Variants in DCUN1D5 observed in about 807,000 individuals in gnomAD.
DCUN1D5 encodes the protein DCN1-like protein 5.
In DCUN1D5, 10 loss-of-function variants were observed where a neutral mutation model predicts 38.3. The observed-to-expected ratio is 0.26, with a 90% CI of 0.16 to 0.44. The LOEUF (loss-of-function observed/expected upper bound fraction) is 0.44, where lower values mean the gene tolerates loss of function less well. Ranked by LOEUF, DCUN1D5 falls within the 20% of genes least tolerant of loss-of-function variation. The pLI, the probability that DCUN1D5 is intolerant of heterozygous loss-of-function variation, is 1.00. For missense variants in DCUN1D5, 148 were observed against 275.3 expected (o/e 0.54, Z 3.27); for synonymous variants, 93 against 90.9 (o/e 1.02, Z -0.13).
rs1488995210 is a variant in DCUN1D5 at position 103,058,885 on chromosome 11, T to C, written c.*3474A>G. Among the ~76,000 whole-genome samples the C allele has an allele frequency of 6.6e-6, 1 of 151,174 alleles. No homozygotes were observed. The highest frequency in any genetic ancestry group is 1.5e-5 in the Non-Finnish European group (1 of 67,886). ...GAATTCTTCTTTAGGAGTAAGACTT[T>C]TGGGTTTTTTTGGGGGGGGTTTTAA... On this transcript the variant is annotated 3_prime_UTR_variant, in exon 8 of 8. Coordinates refer to ENST00000260247, the MANE Select transcript of DCUN1D5 (RefSeq NM_032299.4).
chr11:103,069,182 G>A (rs1248931239), intron 4 of DCUN1D5, among the ~76,000 whole-genome samples: 1 of 152,162 alleles, frequency 6.6e-6, no homozygotes, highest in Non-Finnish European at 1.5e-5. Context: ...GGAAACCTGA[G>A]GAACTACATG....
Position 103,091,854 on chromosome 11 carries a change from T to G in DCUN1D5, c.19A>C (p.Arg7=). 1 of 1,613,714 alleles carries G rather than the reference T, an allele frequency of 6.2e-7. No individual in the cohort carries two copies. Among genetic ancestry groups the G allele is most frequent in the East Asian group, 2.2e-5 (1 of 44,836 alleles). The change falls in exon 1 of 8, where the codon AGA becomes CGA. Residue 7 remains arginine (R), a synonymous_variant. Coordinates refer to ENST00000260247, the MANE Select transcript of DCUN1D5 (RefSeq NM_032299.4). This position sits in a 1 kb window ranked among gnomAD's most constrained non-coding sequence, Gnocchi z 4.3. ...GCTGCTGCCACCCCAGGGGATTTTC[T>G]CTTCTTCTTCACCGGCATCTTCCGC... MPVKKK[R]KSPGVAAAVA... is the part of the protein sequence containing the mutation.
rs2134581535 is a variant in DCUN1D5 at position 103,051,263 on chromosome 11, G to A, written c.*11096C>T. 1 of 152,250 alleles carries A rather than the reference G, an allele frequency of 6.6e-6. No individual in the cohort carries two copies. Among genetic ancestry groups the A allele is most frequent in the East Asian group, 1.9e-4 (1 of 5,182 alleles). 9.4% of individuals were successfully genotyped at this position (152,250 alleles called of 1,614,324 possible). On this transcript the variant is annotated 3_prime_UTR_variant, in exon 8 of 8. Transcript: ENST00000260247. ...GGTTAAGGAAAAAAATGACTCATTA[G>A]TAAGTAAAGTGACAAGCAGAACAAA...
chr11:103,067,902 C>T (rs1376097542), intron 4 of DCUN1D5, among the ~76,000 whole-genome samples: 1 of 152,010 alleles, frequency 6.6e-6, no homozygotes, highest in Non-Finnish European at 1.5e-5. Context: ...AAGAGAATTG[C>T]TACTTTTCCC....
chr11:103,083,340 A>C lies in DCUN1D5; in HGVS notation c.179-14T>G. 6.8e-7 allele frequency: 1 copy of C among 1,479,920 alleles called. No homozygotes were observed. The highest frequency in any genetic ancestry group is 1.1e-5 in the South Asian group (1 of 87,274). 91.7% of individuals were successfully genotyped at this position (1,479,920 alleles called of 1,614,324 possible). On this transcript the variant is annotated splice_polypyrimidine_tract_variant and intron_variant, in intron 2 of 7. Coordinates refer to ENST00000260247, the MANE Select transcript of DCUN1D5 (RefSeq NM_032299.4). This position sits in a 1 kb window ranked among gnomAD's most constrained non-coding sequence, Gnocchi z 4.4. ...CTTCATCAGGACCTTCAAAGACAAA[A>C]ATAATTAACATATTTTGTTATAATA...
At chr11:103,068,816 ATG>A (rs138337029) in intron 4 of DCUN1D5, among the ~76,000 whole-genome samples, 13,444 of 149,426 alleles carry the variant, frequency 0.09, 768 homozygotes, top group Non-Finnish European at 0.12. Flanking sequence ...AAAGCTTCAC[ATG>A]TACCCCCAAA....
Position 103,064,355 on chromosome 11 carries a change from T to C in DCUN1D5, c.578A>G (p.Asn193Ser). The C allele has an allele frequency of 6.2e-7, 1 of 1,605,016 alleles. No individual in the cohort carries two copies. Among genetic ancestry groups the C allele is most frequent in the Non-Finnish European group, 8.5e-7 (1 of 1,176,330 alleles). The change falls in exon 7 of 8, where the codon AAC becomes AGC. Residue 193 changes from asparagine to serine, a missense_variant. Transcript: ENST00000260247. The surrounding 1 kb of genome is among the most constrained non-coding windows in gnomAD (Gnocchi z 4.5). ...YLEQSKYRVM[N>S]KDQWYNVLEF... ...TAATACATTGTACCATTGATCTTTG[T>C]TCATAACACGATACTTTGATTGCTG...
At chr11:103,072,351 TA>T (rs1263478468) in intron 4 of DCUN1D5, among the ~76,000 whole-genome samples, 11 of 151,666 alleles carry the variant, frequency 7.3e-5, no homozygotes, top group African/African-American at 2.4e-4. Context: ...GATCTAGATC[TA>T]GATCTAGATC....
Position 103,092,054 on chromosome 11 carries a change from T to G in DCUN1D5, c.-182A>C. The G allele has an allele frequency of 1.7e-6, 1 of 601,066 alleles. No individual in the cohort carries two copies. The highest frequency in any genetic ancestry group is 2.9e-6 in the Non-Finnish European group (1 of 341,160). The allele number at this position is 601,066 out of a possible 1,614,324, so 37.2% of individuals were successfully genotyped here. A position where few individuals can be genotyped will look rare whatever the true frequency, so the allele number is the denominator to read the frequency against. On this transcript the variant is annotated 5_prime_UTR_variant, in exon 1 of 8. Transcript: ENST00000260247. ...CCGCTCCCAGGTATCCTCGTCGTCT[T>G]TCTCTGACCGGGACAGGGCTGGCTC...
chr11:103,072,814 A>G (rs1241356938), intron 4 of DCUN1D5, among the ~76,000 whole-genome samples: 1 of 152,062 alleles, frequency 6.6e-6, no homozygotes, highest in Non-Finnish European at 1.5e-5. Context: ...AACATAAACG[A>G]CGAGCTAACG....
Position 103,064,215 on chromosome 11 carries a change from A to C in DCUN1D5, c.658+60T>G. The C allele has an allele frequency of 8.1e-7, 1 of 1,240,276 alleles. No homozygotes were observed. Among genetic ancestry groups the C allele is most frequent in the Non-Finnish European group, 1.2e-6 (1 of 855,954 alleles). The allele number at this position is 1,240,276 out of a possible 1,614,324, so 76.8% of individuals were successfully genotyped here. On this transcript the variant is annotated intron_variant, in intron 7 of 7. Coordinates refer to ENST00000260247, the MANE Select transcript of DCUN1D5 (RefSeq NM_032299.4). The surrounding 1 kb of genome is among the most constrained non-coding windows in gnomAD (Gnocchi z 4.5). The stretch of plus-strand genomic sequence containing the variant: ...CTATGCTAATACTACACAAATGCAT[A>C]CTCTCATTTAATATTTTTGGAAATT...
chr11:103,089,362 C>G, intron 1 of DCUN1D5, 44 bp from the exon 2 acceptor site: 1 of 1,493,544 alleles, frequency 6.7e-7, no homozygotes, highest in Non-Finnish European at 9.1e-7. Context: ...CACATCTCAA[C>G]TCTTAGAGAA....
At chr11:103,088,868 A>T (rs1862780366) in intron 2 of DCUN1D5, among the ~76,000 whole-genome samples, 1 of 152,326 alleles carries the variant, frequency 6.6e-6, no homozygotes, top group South Asian at 2.1e-4. Context: ...GAAATGTTTT[A>T]TTATGTACTT....
chr11:103,082,507 A>G (rs756608216), intron 4 of DCUN1D5, among the ~76,000 whole-genome samples: 5 of 152,056 alleles, frequency 3.3e-5, no homozygotes, highest in Non-Finnish European at 7.4e-5. Flanking sequence ...TCACTCACCA[A>G]GAGAATCAAG....
At position 103,054,966 on chromosome 11, in the gene DCUN1D5, T is replaced by C. The variant is rs1226482401; in HGVS notation, c.*7393A>G. The stretch of plus-strand genomic sequence containing the variant: ...GTAGGTGCAGGTTGAATATCTCTTA[T>C]CCAAAATGCTTGGGACCGGAAGTGT... On this transcript the variant is annotated 3_prime_UTR_variant, in exon 8 of 8. Coordinates refer to ENST00000260247, the MANE Select transcript of DCUN1D5 (RefSeq NM_032299.4). 1.3e-5 allele frequency: 2 copies of C among 152,166 alleles called. No homozygotes were observed. Among genetic ancestry groups the C allele is most frequent in the Non-Finnish European group, 2.9e-5 (2 of 68,006 alleles). 9.4% of individuals were successfully genotyped at this position (152,166 alleles called of 1,614,324 possible). A position where few individuals can be genotyped will look rare whatever the true frequency, so the allele number is the denominator to read the frequency against.
rs1247272313 is a variant in DCUN1D5, at chr11:103,091,513, T to C, written c.86+274A>G. 8 of 432,242 alleles carry C rather than the reference T, an allele frequency of 1.9e-5. No individual in the cohort carries two copies. The highest frequency in any genetic ancestry group is 3.4e-5 in the Non-Finnish European group (8 of 234,868). The allele number at this position is 432,242 out of a possible 1,614,324, so 26.8% of individuals were successfully genotyped here. ...GGTGGGGGTGGGGGGAAGCGCAATTTACATATGCATCTGTTCCCCACCCTG... is the reference window on the plus strand; with the variant it reads ...GGTGGGGGTGGGGGGAAGCGCAATTCACATATGCATCTGTTCCCCACCCTG... On this transcript the variant is annotated intron_variant, in intron 1 of 7. Transcript: ENST00000260247. This position sits in a 1 kb window ranked among gnomAD's most constrained non-coding sequence, Gnocchi z 4.3.
chr11:103,082,240 C>T (rs914911866), intron 4 of DCUN1D5, among the ~76,000 whole-genome samples: 19 of 151,980 alleles, frequency 1.3e-4, no homozygotes, highest in East Asian at 1.9e-4. Flanking sequence ...AAAGATTGCA[C>T]GGGAGCAGTT....
chr11:103,066,887 T>C lies in DCUN1D5; in HGVS notation c.342-320A>G, dbSNP rs1012397340. Among the ~76,000 whole-genome samples, 2 of 152,204 alleles carry C rather than the reference T, an allele frequency of 1.3e-5. No homozygotes were observed. The highest frequency in any genetic ancestry group is 4.8e-5 in the African/African-American group (2 of 41,452). ...AGTTAAAAAGAGATGTATTAAAACA[T>C]GTTTTATCACATATACAGCTAAAAA... On this transcript the variant is annotated intron_variant, in intron 4 of 7. Coordinates refer to ENST00000260247, the MANE Select transcript of DCUN1D5 (RefSeq NM_032299.4). The surrounding 1 kb of genome is among the most constrained non-coding windows in gnomAD (Gnocchi z 4.7).
At chr11:103,080,530 A>C (rs1228425992) in intron 4 of DCUN1D5, among the ~76,000 whole-genome samples, 1 of 152,218 alleles carries the variant, frequency 6.6e-6, no homozygotes, top group African/African-American at 2.4e-5. Context: ...ACGATTTTCC[A>C]GGTCAAGAAT....
Sources: gnomAD v4.1 joint callset for allele counts (sites outside exome capture counted in the v4.1 genomes callset) on GRCh38, gnomAD v4.1.1 for gene constraint, Gnocchi (gnomAD v3.1) non-coding constraint, MANE v1.5 for transcripts, NCBI Gene and HGNC (gene_info 2026-07-23, HGNC 2026-07-21) for gene names.